The following IGFBP7 variants were observed in gnomAD, a reference collection of about 807,000 sequenced individuals.
IGFBP7 encodes insulin like growth factor binding protein 7.
IGFBP7 carries 31 observed loss-of-function variants against 29.4 expected under a neutral mutation model. The observed-to-expected ratio is 1.05, with a 90% CI of 0.79 to 1.42. The LOEUF (loss-of-function observed/expected upper bound fraction) is 1.42. Among genes scored for constraint, IGFBP7 ranks in the 40% most tolerant of loss-of-function variants. IGFBP7 has a pLI of 0.00. For synonymous variants in IGFBP7, 172 were observed against 174.9 expected (o/e 0.98, Z 0.13); for missense variants, 393 against 395.5 (o/e 0.99, Z 0.05).
In IGFBP7 at chr4:57,030,959, A is replaced by G; in HGVS notation, c.*358T>C. 1.2e-6 allele frequency: 2 copies of G among 1,600,884 alleles called. No homozygotes were observed. Among genetic ancestry groups the G allele is most frequent in the South Asian group, 2.2e-5 (2 of 90,832 alleles). On this transcript the variant is annotated 3_prime_UTR_variant, in exon 5 of 5. Transcript: ENST00000295666. The stretch of plus-strand genomic sequence containing the variant: ...ATTGTTTCAGGAACTTATGTCTATG[A>G]GTATTGCACCGCGAATGATGAGTGT...
intron 1 of IGFBP7, among the ~76,000 whole-genome samples, chr4:57,050,462 C>T (rs1018967937): frequency 2.6e-5 from 4 of 151,756 alleles, no homozygotes; most frequent in South Asian, 2.1e-4. Context: ...CCAGGCTGGT[C>T]TCGAACTCCT....
intron 2 of IGFBP7, among the ~76,000 whole-genome samples, chr4:57,039,684 G>C (rs1478254047): frequency 3.4e-5 from 5 of 147,818 alleles, no homozygotes; most frequent in African/African-American, 1.3e-4. Flanking sequence ...AGAGTGCAGT[G>C]GGGCAATCAC....
chr4:57,078,253 A>G (rs1175681226), intron 1 of IGFBP7, among the ~76,000 whole-genome samples: 1 of 152,096 alleles, frequency 6.6e-6, no homozygotes, highest in Non-Finnish European at 1.5e-5. Flanking sequence ...ACTGTCTCCT[A>G]TTTTACAGAG....
intron 1 of IGFBP7, among the ~76,000 whole-genome samples, chr4:57,067,839 AAAT>A (rs199946602): frequency 6.7e-5 from 10 of 148,828 alleles, no homozygotes; most frequent in Admixed American, 1.4e-4. Context: ...AAACTAAAAA[AAAT>A]AAAAAATAAA....
chr4:57,041,227 T>C (rs1489702841), intron 1 of IGFBP7, among the ~76,000 whole-genome samples: 4 of 152,260 alleles, frequency 2.6e-5, no homozygotes, highest in Non-Finnish European at 5.9e-5. Flanking sequence ...GCTGTTTTTT[T>C]ATTATCTGGG....
At chr4:57,060,192 T>C (rs1724767138) in intron 1 of IGFBP7, among the ~76,000 whole-genome samples, 1 of 152,190 alleles carries the variant, frequency 6.6e-6, no homozygotes, top group African/African-American at 2.4e-5. Flanking sequence ...TGGGCTGTAA[T>C]CCCAGAGTTC....
At chr4:57,108,381 C>T (rs1371088679) in intron 1 of IGFBP7, among the ~76,000 whole-genome samples, 1 of 152,176 alleles carries the variant, frequency 6.6e-6, no homozygotes, top group East Asian at 1.9e-4. Context: ...TGCCTCCTCT[C>T]CCTTTTCTAC....
rs552551549 is a variant in IGFBP7 at position 57,079,327 on chromosome 4, C to T, written c.475+30550G>A. Reference sequence around the variant, plus strand: ...CCCACTGTACTTCATTAGTAAAAGCCATTTATCCCCCACCTTTCAACACTG... The same window carrying T: ...CCCACTGTACTTCATTAGTAAAAGCTATTTATCCCCCACCTTTCAACACTG... On this transcript the variant is annotated intron_variant, in intron 1 of 4. Coordinates refer to ENST00000295666, the MANE Select transcript of IGFBP7 (RefSeq NM_001553.3). 1.2e-4 allele frequency among the ~76,000 whole-genome samples: 19 copies of T among 152,164 alleles called. No individual in the cohort carries two copies. In the South Asian group the frequency reaches 3.5e-3, roughly 28 times the overall value.
chr4:57,030,826 T>C lies in IGFBP7; in HGVS notation c.*491A>G. ...CATTATCTACAGTACCAGATCTTTGTCTTTTTCTGGGGTAGAGAAGTGGGG... is the reference window on the plus strand; with the variant it reads ...CATTATCTACAGTACCAGATCTTTGCCTTTTTCTGGGGTAGAGAAGTGGGG... On this transcript the variant is annotated 3_prime_UTR_variant, in exon 5 of 5. Coordinates refer to ENST00000295666, the MANE Select transcript of IGFBP7 (RefSeq NM_001553.3). 1 of 835,540 alleles carries C rather than the reference T, an allele frequency of 1.2e-6. No homozygotes were observed. Among genetic ancestry groups the C allele is most frequent in the Non-Finnish European group, 2.1e-6 (1 of 476,700 alleles). 51.8% of individuals were successfully genotyped at this position (835,540 alleles called of 1,614,324 possible). A position where few individuals can be genotyped will look rare whatever the true frequency, so the allele number is the denominator to read the frequency against.
rs145439460 is a variant in IGFBP7, at chr4:57,085,438, G to A, written c.475+24439C>T. On this transcript the variant is annotated intron_variant, in intron 1 of 4. Transcript: ENST00000295666. ...AAGGGATTCTCTATTGTTCTTATTC[G>A]CTATTGTGTTTCTTTTGGTTTCATT... 5.8e-4 allele frequency among the ~76,000 whole-genome samples: 88 copies of A among 151,898 alleles called. No homozygotes were observed. The East Asian group carries it at 0.012, about 21-fold the overall frequency.
At chr4:57,100,071 C>CTTTTTTTTTTTTT (rs10669251) in intron 1 of IGFBP7, among the ~76,000 whole-genome samples, 1 of 115,754 alleles carries the variant, frequency 8.6e-6, no homozygotes, top group Non-Finnish European at 1.6e-5. Flanking sequence ...TCTTTTCTTT[C>CTTTTTTTTTTTTT]TTTTTTTTTT....
Position 57,110,114 on chromosome 4 carries a change from A to AC in IGFBP7, c.237dup (p.Tyr80ValfsTer18), listed in dbSNP as rs969745457. ...ACGCACTCCATGCCCGGCGCGCAGT[A>AC]CCCCCTGCCGGCGCCGCCACCCCCG... On this transcript the variant is annotated frameshift_variant, in exon 1 of 5. Coordinates refer to ENST00000295666, the MANE Select transcript of IGFBP7 (RefSeq NM_001553.3). LOFTEE classifies it high-confidence loss of function. 19 of 1,515,226 alleles carry AC rather than the reference A, an allele frequency of 1.3e-5. No individual in the cohort carries two copies. The highest frequency in any genetic ancestry group is 1.7e-5 in the Non-Finnish European group (19 of 1,139,018). The allele number at this position is 1,515,226 out of a possible 1,614,324, so 93.9% of individuals were successfully genotyped here.
At chr4:57,067,721 G>A (rs772152507) in intron 1 of IGFBP7, among the ~76,000 whole-genome samples, 1 of 152,056 alleles carries the variant, frequency 6.6e-6, no homozygotes, top group Non-Finnish European at 1.5e-5. Context: ...TAGTGAGTGA[G>A]ATTAAAATGA....
chr4:57,057,528 C>T (rs189901234), intron 1 of IGFBP7, among the ~76,000 whole-genome samples: 33 of 152,220 alleles, frequency 2.2e-4, no homozygotes, highest in Admixed American at 1.4e-3. Flanking sequence ...TCAGATTTGG[C>T]GCCTCTTCAG....
intron 1 of IGFBP7, among the ~76,000 whole-genome samples, chr4:57,046,919 A>G (rs942644350): frequency 1.3e-5 from 2 of 152,172 alleles, no homozygotes; most frequent in Non-Finnish European, 2.9e-5. Context: ...ATTCTCATTC[A>G]ATCTCTTTAG....
At chr4:57,057,115 C>T (rs1330253818) in intron 1 of IGFBP7, among the ~76,000 whole-genome samples, 1 of 152,150 alleles carries the variant, frequency 6.6e-6, no homozygotes, top group Non-Finnish European at 1.5e-5. Flanking sequence ...AAGAGATCCT[C>T]CCAACTCAGC....
chr4:57,094,724 C>T (rs752387803), intron 1 of IGFBP7, among the ~76,000 whole-genome samples: 21 of 152,216 alleles, frequency 1.4e-4, no homozygotes, highest in Non-Finnish European at 2.4e-4. Flanking sequence ...CACTTGGGTT[C>T]TGCCCTCGGA....
chr4:57,067,842 TA>T (rs1465404655), intron 1 of IGFBP7, among the ~76,000 whole-genome samples: 1 of 114,260 alleles, frequency 8.8e-6, no homozygotes, highest in African/African-American at 3.3e-5. Context: ...CTAAAAAAAA[TA>T]AAAAATAAAA....
chr4:57,099,883 C>T (rs569071209), intron 1 of IGFBP7, among the ~76,000 whole-genome samples: 2 of 152,054 alleles, frequency 1.3e-5, no homozygotes, highest in South Asian at 4.2e-4. Flanking sequence ...AGGCACACAA[C>T]CAAGCCAAGC....
Sources: allele counts gnomAD v4.1 joint callset (sites outside exome capture counted in the v4.1 genomes callset), GRCh38; gene constraint gnomAD v4.1.1; transcripts MANE v1.5; gene names NCBI Gene and HGNC (gene_info 2026-07-23, HGNC 2026-07-21).